Variants in FBXO42 observed in about 807,000 individuals in gnomAD.
FBXO42 encodes the protein F-box protein 42.
Under a neutral mutation model 71.7 loss-of-function variants are expected in FBXO42, and 12 were observed. That is an observed-to-expected ratio of 0.17 (90% CI 0.11 to 0.27). The LOEUF (loss-of-function observed/expected upper bound fraction) is 0.27. FBXO42 is among the 10% of genes least tolerant of loss of function. FBXO42 has a pLI of 1.00. For missense variants in FBXO42, 707 were observed against 911.9 expected (o/e 0.78, Z 2.89); for synonymous variants, 325 against 327.5 (o/e 0.99, Z 0.08).
At chr1:16,344,622 C>G (rs1220289200) in intron 1 of FBXO42, among the ~76,000 whole-genome samples, 1 of 151,840 alleles carries the variant, frequency 6.6e-6, no homozygotes, top group African/African-American at 2.4e-5. Context: ...AGGCGTGAGC[C>G]ACAGCACCCA....
At chr1:16,342,530 C>A (rs1181731441) in intron 1 of FBXO42, among the ~76,000 whole-genome samples, 1 of 150,662 alleles carries the variant, frequency 6.6e-6, no homozygotes, top group Non-Finnish European at 1.5e-5. Context: ...CTGGAGTAAA[C>A]CGTGATCGCC....
At chr1:16,284,797 G>A (rs748196905) in intron 4 of FBXO42, among the ~76,000 whole-genome samples, 1 of 152,100 alleles carries the variant, frequency 6.6e-6, no homozygotes, top group Non-Finnish European at 1.5e-5. Context: ...GAGAAACCCT[G>A]TCTCTACTAA....
Position 16,251,512 on chromosome 1 carries a change from T to C in FBXO42, c.1312A>G (p.Ile438Val), listed in dbSNP as rs138827630. The change falls in exon 10 of 10, where the codon ATC becomes GTC. Residue 438 changes from isoleucine (I) to valine (V), a missense_variant. Around this residue, in one of 5 missense-constraint regions of FBXO42, gnomAD observed 482 missense variants for 587.1 expected, o/e 0.82. Transcript: ENST00000375592. This position sits in a 1 kb window ranked among gnomAD's most constrained non-coding sequence, Gnocchi z 4.5. ...LSPARGDGSP[I>V]LNGGSLSPGT... ...GGAGACAAACTCCCACCATTGAGGA[T>C]AGGAGAGCCGTCTCCTCTGGCTGGG... 8.7e-6 allele frequency: 14 copies of C among 1,613,982 alleles called. No individual in the cohort carries two copies. Among genetic ancestry groups the C allele is most frequent in the African/African-American group, 6.7e-5 (5 of 74,902 alleles).
Position 16,251,530 on chromosome 1 carries a change from T to C in FBXO42, c.1294A>G (p.Arg432Gly), listed in dbSNP as rs774147621. The change falls in exon 10 of 10, where the codon AGA (arginine) becomes GGA (glycine). Residue 432 changes from arginine (R) to glycine (G), a missense_variant. Physicochemically the swap from Arg to Gly is moderately radical, Grantham distance 125. Coordinates refer to ENST00000375592, the MANE Select transcript of FBXO42 (RefSeq NM_018994.3). The surrounding 1 kb of genome is among the most constrained non-coding windows in gnomAD (Gnocchi z 4.5). ...TTGAGGATAGGAGAGCCGTCTCCTC[T>C]GGCTGGGGAAAGGCTCCCTTCCCGG... is the stretch of plus-strand genomic sequence containing the variant. The part of the protein sequence containing the change: ...GSREGSLSPA[R>G]GDGSPILNGG... 2.5e-6 allele frequency: 4 copies of C among 1,614,058 alleles called. No homozygotes were observed. In the East Asian group the frequency reaches 6.7e-5, roughly 27 times the overall value.
At chr1:16,334,381 G>A (rs1013791671) in intron 1 of FBXO42, among the ~76,000 whole-genome samples, 3 of 147,238 alleles carry the variant, frequency 2.0e-5, no homozygotes, top group East Asian at 2.0e-4. Flanking sequence ...TGCAGTGAGC[G>A]GAGATCGAGC....
intron 3 of FBXO42, among the ~76,000 whole-genome samples, chr1:16,303,576 T>G (rs2082218933): frequency 6.6e-6 from 1 of 151,856 alleles, no homozygotes; most frequent in African/African-American, 2.4e-5. Flanking sequence ...TAATTTTTTT[T>G]TTTTTTTTGA....
intron 1 of FBXO42, among the ~76,000 whole-genome samples, chr1:16,326,608 CAGGAGGTAG>C (rs1339694855): frequency 6.5e-4 from 97 of 148,870 alleles, no homozygotes; most frequent in African/African-American, 2.3e-3. Context: ...CACTTGAGCC[CAGGAGGTAG>C]AGGTTGCAGT....
chr1:16,352,418 C>T lies in FBXO42; in HGVS notation c.-181G>A. 2 of 399,390 alleles carry T rather than the reference C, an allele frequency of 5.0e-6. No individual in the cohort carries two copies. The highest frequency in any genetic ancestry group is 8.8e-6 in the Non-Finnish European group (2 of 226,994). 24.7% of individuals were successfully genotyped at this position (399,390 alleles called of 1,614,324 possible). ...CCGAGCCGCCCGGAGCCGCCATCTT[C>T]CTCCACTCAAACGCCGCCGCCGCCG... On this transcript the variant is annotated 5_prime_UTR_variant, in exon 1 of 10. Coordinates refer to ENST00000375592, the MANE Select transcript of FBXO42 (RefSeq NM_018994.3).
At chr1:16,346,209 C>G (rs1050148812) in intron 1 of FBXO42, among the ~76,000 whole-genome samples, 30 of 152,084 alleles carry the variant, frequency 2.0e-4, no homozygotes, top group African/African-American at 7.0e-4. Flanking sequence ...AAAGTAAACA[C>G]CCTACCTTAT....
At chr1:16,258,300 G>A (rs1428096898) in intron 4 of FBXO42, among the ~76,000 whole-genome samples, 1 of 152,030 alleles carries the variant, frequency 6.6e-6, no homozygotes, top group Admixed American at 6.6e-5. Context: ...CATCAGTCCT[G>A]AAGAGTACAG....
intron 4 of FBXO42, among the ~76,000 whole-genome samples, chr1:16,264,268 G>C (rs910722135): frequency 1.4e-4 from 21 of 152,134 alleles, no homozygotes; most frequent in African/African-American, 5.1e-4. Context: ...TTCCACACTA[G>C]CACCTGAGTA....
chr1:16,285,153 C>A (rs1254632368), intron 4 of FBXO42, among the ~76,000 whole-genome samples: 1 of 151,792 alleles, frequency 6.6e-6, no homozygotes, highest in East Asian at 1.9e-4. Context: ...CAAAAACAAA[C>A]AAACAAACAA....
chr1:16,255,888 A>G, intron 5 of FBXO42, 67 bp from the exon 6 acceptor site: 2 of 1,083,482 alleles, frequency 1.8e-6, no homozygotes, highest in Non-Finnish European at 2.7e-6. Flanking sequence ...AATAGTAAGT[A>G]GGCATCCATT....
intron 4 of FBXO42, among the ~76,000 whole-genome samples, chr1:16,289,808 T>A (rs2082059994): frequency 6.6e-6 from 1 of 151,808 alleles, no homozygotes; most frequent in South Asian, 2.1e-4. Flanking sequence ...GTGGTGCACG[T>A]TTGTATTCGC....
intron 1 of FBXO42, among the ~76,000 whole-genome samples, chr1:16,348,133 T>C (rs1344232279): frequency 6.6e-6 from 1 of 152,210 alleles, no homozygotes; most frequent in Non-Finnish European, 1.5e-5. Flanking sequence ...TGTCACATTA[T>C]AGAAAACTGA....
intron 2 of FBXO42, among the ~76,000 whole-genome samples, chr1:16,313,026 C>T (rs934782213): frequency 6.6e-6 from 1 of 152,014 alleles, no homozygotes; most frequent in Non-Finnish European, 1.5e-5. Flanking sequence ...AACTCTTGAT[C>T]TCAGGCGATC....
intron 3 of FBXO42, among the ~76,000 whole-genome samples, chr1:16,301,703 G>A (rs1051661601): frequency 2.7e-5 from 4 of 147,922 alleles, no homozygotes; most frequent in African/African-American, 7.4e-5. Context: ...AAAAAGAAAC[G>A]GTACAAGAAT....
chr1:16,255,612 G>T, intron 6 of FBXO42, 99 bp downstream of exon 6: 1 of 959,134 alleles, frequency 1.0e-6, no homozygotes, highest in Non-Finnish European at 1.5e-6. Context: ...TGGGATTACA[G>T]GTGTGAATTA....
chr1:16,286,679 A>G (rs1487892629), intron 4 of FBXO42, among the ~76,000 whole-genome samples: 1 of 152,156 alleles, frequency 6.6e-6, no homozygotes, highest in Non-Finnish European at 1.5e-5. Context: ...ATATACATAT[A>G]TCTCCACCTG....
Sources: allele counts gnomAD v4.1 joint callset (sites outside exome capture counted in the v4.1 genomes callset), GRCh38; gene constraint gnomAD v4.1.1; regional missense constraint gnomAD v4.1.1; non-coding constraint Gnocchi (gnomAD v3.1); transcripts MANE v1.5; gene names NCBI Gene and HGNC (gene_info 2026-07-23, HGNC 2026-07-21).